UBAP2: variants seen among roughly 807,000 people sequenced by gnomAD.
UBAP2 encodes the protein ubiquitin associated protein 2, also known as ubiquitin-associated protein 2.
UBAP2 carries 75 observed loss-of-function variants against 139.6 expected under a neutral mutation model. The observed-to-expected ratio is 0.54, with a 90% CI of 0.45 to 0.65. The LOEUF (loss-of-function observed/expected upper bound fraction) is 0.65. UBAP2 is among the 30% of genes least tolerant of loss of function. The pLI, the probability that UBAP2 is intolerant of heterozygous loss-of-function variation, is 0.00. For synonymous variants in UBAP2, 526 were observed against 526.2 expected, an observed-to-expected ratio of 1.00 and a Z score of 0.01; for missense variants, 1,368 against 1,369.6, an observed-to-expected ratio of 1.00 and a Z score of 0.02.
At chr9:34,020,864 G>A (rs1447491290) in intron 1 of UBAP2, among the ~76,000 whole-genome samples, 6 of 151,732 alleles carry the variant, frequency 4.0e-5, no homozygotes, top group Admixed American at 3.3e-4. Flanking sequence ...GGGTTTCACC[G>A]TGTTAGCCAG....
chr9:33,985,399 C>T lies in UBAP2; in HGVS notation c.520+1361G>A, dbSNP rs1269195386. ...AGTGAAGCACTATTCACAATATTCA[C>T]AAATATAGAGAATCAACCTAAGTGT... On this transcript the variant is annotated intron_variant, in intron 6 of 28. Coordinates refer to ENST00000379238, the MANE Select transcript of UBAP2 (RefSeq NM_001370062.2). 3.9e-5 allele frequency among the ~76,000 whole-genome samples: 6 copies of T among 152,166 alleles called. No homozygotes were observed. In the East Asian group the frequency reaches 1.2e-3, roughly 29 times the overall value.
chr9:33,922,670 T>G lies in UBAP2; in HGVS notation c.3264+17A>C. The G allele has an allele frequency of 1.3e-6, 2 of 1,573,206 alleles. No individual in the cohort carries two copies. Among genetic ancestry groups the G allele is most frequent in the Non-Finnish European group, 1.7e-6 (2 of 1,160,158 alleles). On this transcript the variant is annotated intron_variant, in intron 28 of 28. Transcript: ENST00000379238. ...CCTGGCCCAGAGTAGGGTGGCTGCCTCCATCACTGTACTCACCTGTGCATC... is the reference window on the plus strand; with the variant it reads ...CCTGGCCCAGAGTAGGGTGGCTGCCGCCATCACTGTACTCACCTGTGCATC...
intron 22 of UBAP2, among the ~76,000 whole-genome samples, chr9:33,926,124 C>A (rs1051174025): frequency 6.6e-6 from 1 of 152,126 alleles, no homozygotes; most frequent in African/African-American, 2.4e-5. Context: ...GGAGGCCAGA[C>A]CCAGAAGAGA....
At chr9:33,934,452 A>G (rs1251754279) in intron 17 of UBAP2, 1 of 155,764 alleles carries the variant, frequency 6.4e-6, no homozygotes, top group Non-Finnish European at 1.5e-5. Flanking sequence ...GGGCAGGTCA[A>G]AAACAAACAT....
At chr9:34,032,028 C>T (rs1165247059) in intron 1 of UBAP2, among the ~76,000 whole-genome samples, 2 of 151,854 alleles carry the variant, frequency 1.3e-5, no homozygotes, top group Non-Finnish European at 2.9e-5. Context: ...GCCTGTGGTC[C>T]CACCTCCTTG....
chr9:34,022,337 G>A (rs1825022169), intron 1 of UBAP2, among the ~76,000 whole-genome samples: 2 of 151,790 alleles, frequency 1.3e-5, no homozygotes, highest in Admixed American at 1.3e-4. Flanking sequence ...TGGGCAAGGT[G>A]GCATGCACCT....
chr9:33,963,688 T>C (rs1026024312), intron 9 of UBAP2, 38 bp downstream of exon 9: 2 of 1,258,718 alleles, frequency 1.6e-6, no homozygotes, highest in Non-Finnish European at 2.3e-6. Context: ...ATTTATAAGA[T>C]TCTTAATTTT....
intron 10 of UBAP2, among the ~76,000 whole-genome samples, chr9:33,958,383 CATG>C (rs1826741612): frequency 6.6e-6 from 1 of 151,312 alleles, no homozygotes. Context: ...CATATCTAAA[CATG>C]ATAATAAAAC....
chr9:34,017,038 A>G lies in UBAP2; in HGVS notation c.99+12T>C. On this transcript the variant is annotated intron_variant, in intron 2 of 28. Transcript: ENST00000379238. ...AAAGGAAAAAAAAAAAAAGAGTTCC[A>G]CAAAAACTTACCTGTACCACTTGTT... 1 of 1,561,106 alleles carries G rather than the reference A, an allele frequency of 6.4e-7. No homozygotes were observed. The highest frequency in any genetic ancestry group is 8.6e-7 in the Non-Finnish European group (1 of 1,159,748).
intron 1 of UBAP2, among the ~76,000 whole-genome samples, chr9:34,021,327 T>G (rs1040663185): frequency 6.6e-6 from 1 of 152,234 alleles, no homozygotes; most frequent in African/African-American, 2.4e-5. Context: ...ACCAATTATC[T>G]AGAATTTCTC....
At chr9:33,927,282 C>T (rs1023832784) in intron 20 of UBAP2, among the ~76,000 whole-genome samples, 1 of 152,176 alleles carries the variant, frequency 6.6e-6, no homozygotes. Context: ...GTTGTTTCAA[C>T]GTCAGAGAGT....
intron 1 of UBAP2, among the ~76,000 whole-genome samples, chr9:34,048,194 C>T (rs1391043733): frequency 2.0e-5 from 3 of 152,182 alleles, no homozygotes; most frequent in African/African-American, 2.4e-5. Flanking sequence ...ACAGAGAGAG[C>T]TTTGCCGTTT....
intron 1 of UBAP2, among the ~76,000 whole-genome samples, chr9:34,043,884 T>G (rs951002640): frequency 6.6e-6 from 1 of 151,462 alleles, no homozygotes; most frequent in African/African-American, 2.4e-5. Flanking sequence ...TCTCAGCACT[T>G]TGGGAGGCCG....
chr9:33,922,527 T>A lies in UBAP2; in HGVS notation c.3337A>T (p.Asn1113Tyr), dbSNP rs745447785. The A allele has an allele frequency of 2.1e-5, 34 of 1,613,878 alleles. No individual in the cohort carries two copies. Among genetic ancestry groups the A allele is most frequent in the Non-Finnish European group, 2.8e-5 (33 of 1,179,998 alleles). Residue 1113 changes from asparagine (N) to tyrosine (Y), a missense_variant, in exon 29 of 29, where the codon AAC becomes TAC. By Grantham distance (143) the Asn-to-Tyr change is moderately radical. Coordinates refer to ENST00000379238, the MANE Select transcript of UBAP2 (RefSeq NM_001370062.2). ...GTTTAGTTTGTCCAGTATGGAGAGT[T>A]GCCGTAGGCAGGTTTGGAGGCTTGA... ...KSQASKPAYG[N>Y]SPYWTN is the part of the protein sequence containing the mutation.
intron 7 of UBAP2, among the ~76,000 whole-genome samples, chr9:33,972,669 A>G (rs1428972132): frequency 6.6e-6 from 1 of 152,250 alleles, no homozygotes; most frequent in African/African-American, 2.4e-5. Flanking sequence ...CCCAGAAACA[A>G]GAAATAAACC....
At chr9:34,045,917 T>G (rs910852913) in intron 1 of UBAP2, among the ~76,000 whole-genome samples, 2 of 152,158 alleles carry the variant, frequency 1.3e-5, no homozygotes, top group Admixed American at 6.6e-5. Flanking sequence ...CTCTTTGCCT[T>G]CCTTCAGGTT....
In UBAP2 at chr9:34,014,343, A is replaced by AAAAG. The variant is rs1260241359; in HGVS notation, c.99+2706_99+2707insCTTT. Among the ~76,000 whole-genome samples, 950 of 149,810 alleles carry AAAAG rather than the reference A, an allele frequency of 6.3e-3. 13 individuals are homozygous for AAAAG. Among genetic ancestry groups the AAAAG allele is most frequent in the African/African-American group, 0.019 (767 of 40,632 alleles). ...CTGTCTCAAAAAAAAAAAAAAAAAA[A>AAAAG]AAAAAGGTCAGGTGCGGTGGCTCAC... is the stretch of plus-strand genomic sequence containing the variant. On this transcript the variant is annotated intron_variant, in intron 2 of 28. Coordinates refer to ENST00000379238, the MANE Select transcript of UBAP2 (RefSeq NM_001370062.2).
chr9:34,004,542 G>A (rs1419102926), intron 2 of UBAP2, among the ~76,000 whole-genome samples: 1 of 152,078 alleles, frequency 6.6e-6, no homozygotes, highest in Non-Finnish European at 1.5e-5. Flanking sequence ...CAGCACTTTG[G>A]GAGGCCAAGG....
chr9:33,935,009 T>C (rs887754367), intron 17 of UBAP2, among the ~76,000 whole-genome samples: 9 of 152,192 alleles, frequency 5.9e-5, no homozygotes, highest in Non-Finnish European at 1.0e-4. Context: ...AAATCCTATT[T>C]AAAGAGTCTT....
Sources: gnomAD v4.1 joint callset for allele counts (sites outside exome capture counted in the v4.1 genomes callset) on GRCh38, gnomAD v4.1.1 for gene constraint, MANE v1.5 for transcripts, NCBI Gene and HGNC (gene_info 2026-07-23, HGNC 2026-07-21) for gene names.